Variants in BTG3 observed in about 807,000 individuals in gnomAD.
BTG3 encodes the protein BTG anti-proliferation factor 3, also known as protein BTG3.
Under a neutral mutation model 25.8 loss-of-function variants are expected in BTG3, and 4 were observed. The ratio of observed to expected loss-of-function variants is 0.16; its 90% CI spans 0.08 to 0.36. The LOEUF is 0.36. Among genes scored for constraint, BTG3 ranks in the 10% least tolerant of loss-of-function variants. BTG3 has a pLI of 1.00. For synonymous variants in BTG3, 107 were observed against 99.9 expected, an observed-to-expected ratio of 1.07 and a Z score of -0.42; for missense variants, 201 against 304.9, an observed-to-expected ratio of 0.66 and a Z score of 2.54.
chr21:17,599,743 G>C (rs866021064), intron 3 of BTG3, among the ~76,000 whole-genome samples: 1 of 152,110 alleles, frequency 6.6e-6, no homozygotes, highest in African/African-American at 2.4e-5. Context: ...GCCTCCCAAA[G>C]TGCTGGGTTT....
intron 4 of BTG3, 129 bp from the exon 5 acceptor site, chr21:17,594,461 C>G: frequency 1.8e-6 from 2 of 1,115,488 alleles, no homozygotes; most frequent in Non-Finnish European, 2.5e-6. Flanking sequence ...CTCCTATTGT[C>G]AGGTCTAAAT....
At chr21:17,606,418 C>T (rs2061643455) in intron 2 of BTG3, among the ~76,000 whole-genome samples, 1 of 152,086 alleles carries the variant, frequency 6.6e-6, no homozygotes. Flanking sequence ...AAATTATTTT[C>T]TAGTATGTAA....
chr21:17,598,064 T>C (rs1049305721), intron 4 of BTG3, among the ~76,000 whole-genome samples: 6 of 152,190 alleles, frequency 3.9e-5, no homozygotes, highest in African/African-American at 7.2e-5. Context: ...TTTTTTAAAG[T>C]CGATTAAATG....
chr21:17,599,369 A>C (rs2061542966), intron 3 of BTG3, among the ~76,000 whole-genome samples: 1 of 152,046 alleles, frequency 6.6e-6, no homozygotes, highest in Non-Finnish European at 1.5e-5. Flanking sequence ...TTTTAGAGAC[A>C]GGGTTTCACC....
chr21:17,608,741 C>T (rs2061679924), intron 2 of BTG3: 3 of 401,792 alleles, frequency 7.5e-6, no homozygotes, highest in African/African-American at 2.1e-5. Flanking sequence ...AAAAGACTAA[C>T]TCCTTTGACC....
chr21:17,611,173 C>T (rs1384869660), intron 1 of BTG3, among the ~76,000 whole-genome samples: 1 of 152,150 alleles, frequency 6.6e-6, no homozygotes, highest in Non-Finnish European at 1.5e-5. Flanking sequence ...TATATTCCAC[C>T]ACGATACGAT....
intron 3 of BTG3, among the ~76,000 whole-genome samples, chr21:17,603,402 T>C (rs1487433478): frequency 1.3e-5 from 2 of 152,156 alleles, no homozygotes; most frequent in Non-Finnish European, 2.9e-5. Context: ...TACATCTGGT[T>C]TCCAAAAGCA....
intron 1 of BTG3, 25 bp from the exon 2 acceptor site, chr21:17,609,177 C>T (rs1238810699): frequency 6.3e-7 from 1 of 1,591,760 alleles, no homozygotes; most frequent in Non-Finnish European, 8.5e-7. Flanking sequence ...CATGTTTTCT[C>T]AGAAAAACAA....
intron 4 of BTG3, among the ~76,000 whole-genome samples, chr21:17,597,209 G>C (rs2123431433): frequency 1.3e-5 from 2 of 152,048 alleles, no homozygotes; most frequent in Middle Eastern, 3.4e-3. Flanking sequence ...AATTTTAAAA[G>C]AAATCCTAAA....
intron 2 of BTG3, 194 bp from the exon 3 acceptor site, chr21:17,605,191 T>C (rs1033293665): frequency 1.2e-4 from 69 of 571,958 alleles, no homozygotes; most frequent in African/African-American, 4.2e-4. Flanking sequence ...GAAAAAAAGA[T>C]GGCACCTATG....
chr21:17,600,231 A>C (rs1296509463), intron 3 of BTG3, among the ~76,000 whole-genome samples: 6 of 152,244 alleles, frequency 3.9e-5, no homozygotes, highest in Non-Finnish European at 8.8e-5. Context: ...GAAATCCACA[A>C]ATCTATTTAA....
At chr21:17,603,566 TAC>T (rs1462066429) in intron 3 of BTG3, among the ~76,000 whole-genome samples, 5 of 152,230 alleles carry the variant, frequency 3.3e-5, no homozygotes, top group African/African-American at 1.2e-4. Context: ...ACCTTAGGAG[TAC>T]ATAGTTAGGG....
intron 4 of BTG3, among the ~76,000 whole-genome samples, chr21:17,596,002 C>T (rs9977638): frequency 0.51 from 76,827 of 151,730 alleles, 21,293 homozygotes; most frequent in African/African-American, 0.74. Context: ...TGGATTTAAT[C>T]TGCATTCCTC....
Position 17,603,996 on chromosome 21 carries a change from C to A in BTG3, c.311+864G>T, listed in dbSNP as rs746055837. 5 of 505,672 alleles carry A rather than the reference C, an allele frequency of 9.9e-6. No individual in the cohort carries two copies. In the Admixed American group the frequency reaches 2.3e-4, roughly 24 times the overall value. 31.3% of individuals were successfully genotyped at this position (505,672 alleles called of 1,614,324 possible). A position where few individuals can be genotyped will look rare whatever the true frequency, so the allele number is the denominator to read the frequency against. On this transcript the variant is annotated intron_variant, in intron 3 of 4. Coordinates refer to ENST00000348354, the MANE Select transcript of BTG3 (RefSeq NM_006806.5). Reference sequence around the variant, plus strand: ...TTTGAAAACCCTACAACTGAGAGTGCCTGGTCCACAAATAATGGTTTTTGA... The same window carrying A: ...TTTGAAAACCCTACAACTGAGAGTGACTGGTCCACAAATAATGGTTTTTGA...
At chr21:17,597,041 T>C (rs1432589228) in intron 4 of BTG3, among the ~76,000 whole-genome samples, 2 of 152,082 alleles carry the variant, frequency 1.3e-5, no homozygotes, top group African/African-American at 2.4e-5. Context: ...GCACTAGCTT[T>C]CACACAAGTA....
intron 2 of BTG3, among the ~76,000 whole-genome samples, chr21:17,606,943 G>C (rs2061651089): frequency 6.6e-6 from 1 of 152,032 alleles, no homozygotes; most frequent in Non-Finnish European, 1.5e-5. Flanking sequence ...TTGCCAAATT[G>C]CTCTCTACAA....
At chr21:17,605,198 T>C (rs2061623124) in intron 2 of BTG3, 1 of 529,184 alleles carries the variant, frequency 1.9e-6, no homozygotes. Flanking sequence ...AGATGGCACC[T>C]ATGTGAGCCC....
intron 3 of BTG3, among the ~76,000 whole-genome samples, chr21:17,600,160 G>C (rs185104176): frequency 1.3e-5 from 2 of 152,028 alleles, no homozygotes; most frequent in Non-Finnish European, 2.9e-5. Flanking sequence ...ATTCTGAACT[G>C]TAGGAAAATA....
At chr21:17,607,728 C>T (rs1186177270) in intron 2 of BTG3, among the ~76,000 whole-genome samples, 1 of 152,196 alleles carries the variant, frequency 6.6e-6, no homozygotes, top group East Asian at 1.9e-4. Flanking sequence ...CATCAATATA[C>T]ACAAATAAAA....
Sources: allele counts gnomAD v4.1 joint callset (sites outside exome capture counted in the v4.1 genomes callset), GRCh38; gene constraint gnomAD v4.1.1; transcripts MANE v1.5; gene names NCBI Gene and HGNC (gene_info 2026-07-23, HGNC 2026-07-21).